Variants in NPIPB12 observed in about 807,000 individuals in gnomAD.
The protein encoded by NPIPB12 is nuclear pore complex interacting protein family member B12.
intron 2 of NPIPB12, among the ~76,000 whole-genome samples, chr16:29,504,532 G>GTA (rs1965214904): frequency 7.1e-6 from 1 of 141,804 alleles, no homozygotes; most frequent in Non-Finnish European, 1.5e-5. Flanking sequence ...GTGTGTGTGT[G>GTA]TGTGTGTGTG....
intron 1 of NPIPB12, among the ~76,000 whole-genome samples, chr16:29,498,626 A>C: frequency 4.1e-5 from 1 of 24,444 alleles, no homozygotes; most frequent in Non-Finnish European, 9.8e-5. Context: ...AATGGCGTGA[A>C]CCCGGGAGGC....
chr16:29,504,563 T>C (rs533134721), intron 2 of NPIPB12, among the ~76,000 whole-genome samples: 151 of 149,566 alleles, frequency 1.0e-3, no homozygotes, highest in African/African-American at 3.3e-3. Flanking sequence ...TGTGTATCTA[T>C]ATAAATCTCA....
intron 1 of NPIPB12, among the ~76,000 whole-genome samples, chr16:29,498,044 TA>T (rs1965156645): frequency 1.5e-5 from 2 of 132,144 alleles, no homozygotes; most frequent in Non-Finnish European, 3.3e-5. Flanking sequence ...TTCACGCCTG[TA>T]ATCCCAACGC....
At chr16:29,498,225 G>A in intron 1 of NPIPB12, among the ~76,000 whole-genome samples, 1 of 146,424 alleles carries the variant, frequency 6.8e-6, no homozygotes, top group South Asian at 2.2e-4. Context: ...GCTCGAACCT[G>A]GGAAGCAGAG....
intron 4 of NPIPB12, among the ~76,000 whole-genome samples, chr16:29,490,311 C>A (rs1478734865): frequency 1.0e-5 from 1 of 97,792 alleles, no homozygotes; most frequent in Admixed American, 1.0e-4. Context: ...CTGGAGGTGA[C>A]CCAAGCATTG....
upstream of NPIPB12, among the ~76,000 whole-genome samples, chr16:29,501,206 G>A (rs1334631818): frequency 5.3e-5 from 4 of 75,862 alleles, no homozygotes; most frequent in African/African-American, 8.2e-5. Flanking sequence ...CGGGCTGGGT[G>A]TGGTGGCTCA....
At chr16:29,497,469 G>A (rs1249401696) in intron 1 of NPIPB12, among the ~76,000 whole-genome samples, 2 of 45,112 alleles carry the variant, frequency 4.4e-5, no homozygotes, top group African/African-American at 2.3e-4. Flanking sequence ...AGCCGAGATC[G>A]CACCACTGCA....
upstream of NPIPB12, among the ~76,000 whole-genome samples, chr16:29,502,010 G>A (rs1463743249): frequency 2.8e-4 from 1 of 3,600 alleles, no homozygotes; most frequent in Non-Finnish European, 5.5e-4. Flanking sequence ...TAGAGTCACC[G>A]TGATCATAGC....
chr16:29,499,205 G>GT, intron 1 of NPIPB12: 1 of 195,190 alleles, frequency 5.1e-6, no homozygotes, highest in Non-Finnish European at 7.5e-6. Flanking sequence ...GGACTCAAGT[G>GT]ATCTGCCCAC....
In NPIPB12 at chr16:29,497,536, C is replaced by T. The variant is rs1473235794; in HGVS notation, c.75+1788G>A. Among the ~76,000 whole-genome samples the T allele has an allele frequency of 2.9e-3, 162 of 56,178 alleles. 3 individuals are homozygous for T. The highest frequency in any genetic ancestry group is 8.9e-3 in the Middle Eastern group (1 of 112). The allele number at this position is 56,178 out of a possible 152,430, so 36.9% of individuals were successfully genotyped here. ...CTCAAAAAAAAAAAAAAAAAAATTA[C>T]CAAGGTGGAGATCATGAAAATGGCA... On this transcript the variant is annotated intron_variant, in intron 1 of 5. Transcript: ENST00000617311.
At chr16:29,498,397 G>C (rs1965168724) in intron 1 of NPIPB12, among the ~76,000 whole-genome samples, 1 of 134,592 alleles carries the variant, frequency 7.4e-6, no homozygotes. Flanking sequence ...TCCAAAGTTA[G>C]TAAACTTACA....
chr16:29,498,041 C>CA (rs1427637297), intron 1 of NPIPB12, among the ~76,000 whole-genome samples: 1 of 69,402 alleles, frequency 1.4e-5, no homozygotes, highest in Non-Finnish European at 3.1e-5. Flanking sequence ...TGGTTCACGC[C>CA]TGTAATCCCA....
At chr16:29,504,623 T>C (rs1965218075) in intron 2 of NPIPB12, among the ~76,000 whole-genome samples, 1 of 100,928 alleles carries the variant, frequency 9.9e-6, no homozygotes. Context: ...CAAGATAATG[T>C]TCAACTTAAT....
chr16:29,504,872 A>AT (rs1325086622), intron 2 of NPIPB12, among the ~76,000 whole-genome samples: 19 of 1,500 alleles, frequency 0.013, no homozygotes, highest in East Asian at 0.077. Flanking sequence ...TTGCAGGATA[A>AT]TTTTTTTTTT....
chr16:29,504,448 T>C (rs1965210332), upstream of NPIPB12, among the ~76,000 whole-genome samples: 1 of 118,990 alleles, frequency 8.4e-6, no homozygotes. Context: ...GAGGTTGCAG[T>C]GAGCCAAGAT....
chr16:29,498,382 T>TA (rs1965168373), intron 1 of NPIPB12, among the ~76,000 whole-genome samples: 1 of 140,372 alleles, frequency 7.1e-6, no homozygotes, highest in Non-Finnish European at 1.6e-5. Flanking sequence ...CTGGTGTATG[T>TA]ACTTTCCAAA....
At chr16:29,490,920 A>AG (rs1407260338) in intron 4 of NPIPB12, among the ~76,000 whole-genome samples, 2 of 140,218 alleles carry the variant, frequency 1.4e-5, no homozygotes, top group Non-Finnish European at 3.1e-5. Flanking sequence ...AAAAAAAAAA[A>AG]AAAAAAAAGG....
chr16:29,498,041 C>CGGAGCA (rs1427637297), intron 1 of NPIPB12, among the ~76,000 whole-genome samples: 1 of 69,398 alleles, frequency 1.4e-5, no homozygotes, highest in African/African-American at 5.5e-5. Context: ...TGGTTCACGC[C>CGGAGCA]TGTAATCCCA....
intron 4 of NPIPB12, among the ~76,000 whole-genome samples, chr16:29,490,904 TAAAAAAAAAA>T (rs1156982100): frequency 1.8e-5 from 1 of 56,696 alleles, no homozygotes. Context: ...ATCTCAAAAT[TAAAAAAAAAA>T]AAAAAAAAAA....
Sources: gnomAD v4.1 joint callset for allele counts (sites outside exome capture counted in the v4.1 genomes callset) on GRCh38, gnomAD v4.1.1 for gene constraint, MANE v1.5 for transcripts, NCBI Gene and HGNC (gene_info 2026-07-23, HGNC 2026-07-21) for gene names.